The following ICE1 variants were observed in gnomAD, a reference collection of about 807,000 sequenced individuals.
ICE1 encodes little elongation complex subunit 1.
In ICE1, 64 loss-of-function variants were observed where a neutral mutation model predicts 192.7. The ratio of observed to expected loss-of-function variants is 0.33; its 90% CI spans 0.27 to 0.41. The LOEUF (loss-of-function observed/expected upper bound fraction) is 0.41, where lower values mean the gene tolerates loss of function less well. ICE1 is among the 10% of genes least tolerant of loss of function. The pLI is 1.00. For missense variants in ICE1, 2,708 were observed against 2,696.0 expected, an observed-to-expected ratio of 1.00 and a Z score of -0.10; for synonymous variants, 1,010 against 984.5, an observed-to-expected ratio of 1.03 and a Z score of -0.49.
chr5:5,486,724 G>T lies in ICE1; in HGVS notation c.6524G>T (p.Arg2175Leu), dbSNP rs749806965. The change falls in exon 18 of 19, where the codon CGT (arginine) becomes CTT (leucine). Residue 2175 changes from arginine (R) to leucine (L), a missense_variant. Physicochemically the swap from Arg to Leu is moderately radical, Grantham distance 102. Coordinates refer to ENST00000296564, the MANE Select transcript of ICE1 (RefSeq NM_015325.3). ...IIASILRLIG[R>L]LGQLGLKEGF... ...CATTTTGGTTTGTTTCCCCTAGGTC[G>T]TTTAGGCCAATTGGGTTTGAAAGAA... is the stretch of plus-strand genomic sequence containing the variant. 6.3e-7 allele frequency: 1 copy of T among 1,594,020 alleles called. No homozygotes were observed. The highest frequency in any genetic ancestry group is 8.6e-7 in the Non-Finnish European group (1 of 1,168,910).
chr5:5,440,663 T>A (rs190040913), intron 4 of ICE1, among the ~76,000 whole-genome samples: 10 of 152,166 alleles, frequency 6.6e-5, no homozygotes, highest in Admixed American at 3.9e-4. Flanking sequence ...ACTATTAAAA[T>A]TTTTTTTAAT....
At chr5:5,472,781 A>G (rs1739197504) in intron 15 of ICE1, among the ~76,000 whole-genome samples, 1 of 152,192 alleles carries the variant, frequency 6.6e-6, no homozygotes, top group Non-Finnish European at 1.5e-5. Flanking sequence ...TATTATTTTT[A>G]TAATGAAACT....
At chr5:5,433,816 T>C (rs1193270943) in intron 1 of ICE1, among the ~76,000 whole-genome samples, 1 of 152,136 alleles carries the variant, frequency 6.6e-6, no homozygotes, top group Non-Finnish European at 1.5e-5. Flanking sequence ...CCTAGCAAAG[T>C]CTTATTCATG....
At chr5:5,458,746 T>C (rs990504440) in intron 12 of ICE1, among the ~76,000 whole-genome samples, 2 of 152,140 alleles carry the variant, frequency 1.3e-5, no homozygotes, top group Non-Finnish European at 2.9e-5. Context: ...TCCAAAGACA[T>C]AGACTGAAAG....
chr5:5,455,912 C>G (rs564500190), intron 11 of ICE1, among the ~76,000 whole-genome samples: 9 of 152,170 alleles, frequency 5.9e-5, no homozygotes, highest in African/African-American at 2.2e-4. Context: ...CCCACGTTGC[C>G]TTTAGTAGTC....
At chr5:5,427,521 T>C (rs1232874722) in intron 1 of ICE1, among the ~76,000 whole-genome samples, 1 of 152,218 alleles carries the variant, frequency 6.6e-6, no homozygotes, top group African/African-American at 2.4e-5. Flanking sequence ...GATTATATTG[T>C]TCATCTCATG....
chr5:5,462,650 G>C lies in ICE1; in HGVS notation c.3316G>C (p.Asp1106His), dbSNP rs371197258. Residue 1106 changes from aspartate (D) to histidine (H), a missense_variant, in exon 13 of 19, where the codon GAC becomes CAC. Physicochemically the swap from Asp to His is moderately conservative, Grantham distance 81. This residue lies in a region of ICE1 where 2,366 missense variants were observed against 2,276.6 expected (regional missense o/e 1.04). Coordinates refer to ENST00000296564, the MANE Select transcript of ICE1 (RefSeq NM_015325.3). ...CACAGGCATTCGAGAGGGGGGAGAC[G>C]ACACTGAGGTAGAGAGTGAGGCATT... is the stretch of plus-strand genomic sequence containing the variant. ...CYTGIREGGD[D>H]TEVESEAFSC... 6.2e-7 allele frequency: 1 copy of C among 1,613,920 alleles called. No individual in the cohort carries two copies. The highest frequency in any genetic ancestry group is 8.5e-7 in the Non-Finnish European group (1 of 1,179,876).
At position 5,461,664 on chromosome 5, in the gene ICE1, C is replaced by T. The variant is rs886205221; in HGVS notation, c.2330C>T (p.Ala777Val). The change falls in exon 13 of 19, where the codon GCC becomes GTC. Residue 777 changes from alanine to valine, a missense_variant. Ala to Val is a moderately conservative substitution (Grantham distance 64, BLOSUM62 0). Coordinates refer to ENST00000296564, the MANE Select transcript of ICE1 (RefSeq NM_015325.3). ...ACATCATTAATAGGTTCTCAGGCTG[C>T]CTTGATCAAGAGTGGTTTGGGTTTT... ...DFTSLIGSQA[A>V]LIKSGLGFVK... 4 of 1,613,822 alleles carry T rather than the reference C, an allele frequency of 2.5e-6. No individual in the cohort carries two copies. Among genetic ancestry groups the T allele is most frequent in the South Asian group, 1.1e-5 (1 of 91,054 alleles).
intron 10 of ICE1, among the ~76,000 whole-genome samples, chr5:5,449,720 C>T (rs1426474486): frequency 1.3e-5 from 2 of 152,166 alleles, no homozygotes; most frequent in Non-Finnish European, 2.9e-5. Flanking sequence ...AAAGGAATGC[C>T]AAGCTTCTGG....
rs750153033 is a variant in ICE1 at position 5,461,406 on chromosome 5, A to G, written c.2072A>G (p.Glu691Gly). 13 of 1,613,858 alleles carry G rather than the reference A, an allele frequency of 8.1e-6. No homozygotes were observed. In the East Asian group the frequency reaches 2.9e-4, roughly 36 times the overall value. The change falls in exon 13 of 19, where the codon GAG (glutamate) becomes GGG (glycine). Residue 691 changes from glutamate (E) to glycine (G), a missense_variant. By Grantham distance (98) the Glu-to-Gly change is moderately conservative (BLOSUM62 -2). Transcript: ENST00000296564. The stretch of plus-strand genomic sequence containing the variant: ...TTACATCTGCAGTCTGAGCCACCGG[A>G]GTGTTCTATAGGAGGAAACAACTTG... ...NTLHLQSEPP[E>G]CSIGGNNLEN...
At chr5:5,436,950 A>C (rs1737887062) in intron 2 of ICE1, 130 bp from the exon 3 acceptor site, 2 of 650,308 alleles carry the variant, frequency 3.1e-6, no homozygotes, top group Admixed American at 2.6e-5. Context: ...TATAGTCATT[A>C]ATTTAGCATG....
intron 1 of ICE1, among the ~76,000 whole-genome samples, chr5:5,430,083 T>A (rs1041261399): frequency 6.6e-6 from 1 of 152,170 alleles, no homozygotes; most frequent in Non-Finnish European, 1.5e-5. Flanking sequence ...GAGAAAGCGA[T>A]AATCGAGGAA....
intron 7 of ICE1, among the ~76,000 whole-genome samples, chr5:5,447,121 C>T (rs1055925231): frequency 2.6e-5 from 4 of 152,088 alleles, no homozygotes; most frequent in Non-Finnish European, 5.9e-5. Context: ...TGAAATGGGA[C>T]GGCAACTCCC....
At position 5,464,451 on chromosome 5, in the gene ICE1, G is replaced by A. The variant is rs1234447280; in HGVS notation, c.5117G>A (p.Ser1706Asn). 1.2e-6 allele frequency: 2 copies of A among 1,613,798 alleles called. No individual in the cohort carries two copies. Among genetic ancestry groups the A allele is most frequent in the Non-Finnish European group, 1.7e-6 (2 of 1,179,886 alleles). Reference protein sequence around the residue: ...PSPSPSAASASERVVPSPLQF... With the variant: ...PSPSPSAASANERVVPSPLQF... ...CCATCTCCATCTGCAGCTTCAGCCAGTGAGAGGGTAGTGCCGTCTCCTCTG... is the reference window on the plus strand; with the variant it reads ...CCATCTCCATCTGCAGCTTCAGCCAATGAGAGGGTAGTGCCGTCTCCTCTG... Residue 1706 changes from serine (S) to asparagine (N), a missense_variant, in exon 13 of 19, where the codon AGT (serine) becomes AAT (asparagine). Coordinates refer to ENST00000296564, the MANE Select transcript of ICE1 (RefSeq NM_015325.3). The surrounding 1 kb of genome is among the most constrained non-coding windows in gnomAD (Gnocchi z 4.0).
chr5:5,456,699 A>C (rs1738592441), intron 11 of ICE1, among the ~76,000 whole-genome samples: 1 of 152,056 alleles, frequency 6.6e-6, no homozygotes, highest in South Asian at 2.1e-4. Flanking sequence ...ATCCTCTATA[A>C]AACTTATTTT....
chr5:5,486,284 A>G (rs565263378), intron 17 of ICE1, among the ~76,000 whole-genome samples: 3 of 152,230 alleles, frequency 2.0e-5, no homozygotes, highest in Admixed American at 1.3e-4. Context: ...CTTTTGCACC[A>G]TCAGACCACA....
Position 5,473,685 on chromosome 5 carries a change from T to G in ICE1, c.6350T>G (p.Ile2117Arg). Residue 2117 changes from isoleucine (I) to arginine (R), a missense_variant, in exon 16 of 19, where the codon ATA (isoleucine) becomes AGA (arginine). Coordinates refer to ENST00000296564, the MANE Select transcript of ICE1 (RefSeq NM_015325.3). ...EDLSDNTWEY[I>R]FAIDLLCCHQ... ...CTAAGTGATAACACTTGGGAATACA[T>G]ATTTGCCATTGATCTGCTCTGCTGC... The G allele has an allele frequency of 6.2e-7, 1 of 1,613,452 alleles. No homozygotes were observed. Among genetic ancestry groups the G allele is most frequent in the Non-Finnish European group, 8.5e-7 (1 of 1,179,702 alleles).
chr5:5,472,545 T>C (rs1261178397), intron 15 of ICE1, among the ~76,000 whole-genome samples: 2 of 152,204 alleles, frequency 1.3e-5, no homozygotes, highest in African/African-American at 2.4e-5. Context: ...GTCACTGATT[T>C]TTCTAAGTGG....
intron 17 of ICE1, among the ~76,000 whole-genome samples, chr5:5,486,225 G>A (rs368172073): frequency 2.0e-5 from 3 of 152,200 alleles, no homozygotes; most frequent in Non-Finnish European, 2.9e-5. Flanking sequence ...TTAGCGAGGT[G>A]CCACTGTCTT....
Sources: gnomAD v4.1 joint callset for allele counts (sites outside exome capture counted in the v4.1 genomes callset) on GRCh38, gnomAD v4.1.1 for gene constraint, gnomAD v4.1.1 regional missense constraint, Gnocchi (gnomAD v3.1) non-coding constraint, MANE v1.5 for transcripts, NCBI Gene and HGNC (gene_info 2026-07-23, HGNC 2026-07-21) for gene names.